DSC2: variants seen among roughly 807,000 people sequenced by gnomAD.
DSC2 encodes the protein desmocollin-2.
In DSC2, 51 loss-of-function variants were observed where a neutral mutation model predicts 87.6. The ratio of observed to expected loss-of-function variants is 0.58; its 90% CI spans 0.46 to 0.74. The LOEUF (loss-of-function observed/expected upper bound fraction) is 0.74, where lower values mean the gene tolerates loss of function less well. Ranked by LOEUF, DSC2 falls within the 30% of genes least tolerant of loss-of-function variation. DSC2 has a pLI of 0.00. For synonymous variants in DSC2, 383 were observed against 393.2 expected (o/e 0.97, Z 0.31); for missense variants, 1,066 against 1,089.5 (o/e 0.98, Z 0.30).
chr18:31,084,192 G>A (rs1345548714), intron 7 of DSC2, among the ~76,000 whole-genome samples: 1 of 152,060 alleles, frequency 6.6e-6, no homozygotes, highest in African/African-American at 2.4e-5. Flanking sequence ...TAAAACTAAA[G>A]TTTCTCTTGA....
intron 5 of DSC2, among the ~76,000 whole-genome samples, chr18:31,089,113 C>T (rs1268064940): frequency 7.2e-6 from 1 of 139,654 alleles, no homozygotes; most frequent in Admixed American, 8.1e-5. Flanking sequence ...TGCAGTGAGC[C>T]GAGATTACGC....
rs1987618823 is a variant in DSC2 at position 31,092,095 on chromosome 18, G to A, written c.354+6C>T. The A allele has an allele frequency of 1.2e-6, 2 of 1,608,552 alleles. No homozygotes were observed. The highest frequency in any genetic ancestry group is 1.7e-6 in the Non-Finnish European group (2 of 1,176,368). On this transcript the variant is annotated splice_donor_region_variant and intron_variant, in intron 3 of 15. Transcript: ENST00000280904. ...ATCATTTCTTCATTTATGTAGCCTT[G>A]TATACCTTTGTTTGATGCTCCAAAA...
intron 4 of DSC2, among the ~76,000 whole-genome samples, chr18:31,090,684 C>G (rs1373368930): frequency 6.6e-6 from 1 of 152,140 alleles, no homozygotes; most frequent in Non-Finnish European, 1.5e-5. Context: ...TGTCTTCCTC[C>G]TTCGTGGCAT....
intron 1 of DSC2, 77 bp downstream of exon 1, chr18:31,101,825 AT>A: frequency 7.7e-7 from 1 of 1,305,520 alleles, no homozygotes; most frequent in Non-Finnish European, 1.0e-6. Context: ...ACCCCCACCT[AT>A]CCCCGTTCCC....
rs1986559555 is a variant in DSC2 at position 31,064,182 on chromosome 18, TG to T, written c.*3832del. On this transcript the variant is annotated 3_prime_UTR_variant, in exon 16 of 16. Coordinates refer to ENST00000280904, the MANE Select transcript of DSC2 (RefSeq NM_024422.6). Reference sequence around the variant, plus strand: ...TGTCCTGAAGTTCTTTCACATCATCTGAAGCTTTTTAAAAACATGCATTATG... The same window carrying T: ...TGTCCTGAAGTTCTTTCACATCATCTAAGCTTTTTAAAAACATGCATTATG... The T allele has an allele frequency of 6.6e-6, 1 of 152,198 alleles. No individual in the cohort carries two copies. Among genetic ancestry groups the T allele is most frequent in the Non-Finnish European group, 1.5e-5 (1 of 68,042 alleles). The allele number at this position is 152,198 out of a possible 1,614,324, so 9.4% of individuals were successfully genotyped here.
At position 31,079,889 on chromosome 18, in the gene DSC2, T is replaced by C; in HGVS notation, c.1621A>G (p.Lys541Glu). ...RSLDREAETI[K>E]NGIYNITVLA... ...ACTGTAATATTATATATGCCATTTTTGATGGTCTCTGCCTCTCTATCCAGG... is the reference window on the plus strand; with the variant it reads ...ACTGTAATATTATATATGCCATTTTCGATGGTCTCTGCCTCTCTATCCAGG... The change falls in exon 11 of 16, where the codon AAA (lysine) becomes GAA (glutamate). Residue 541 changes from lysine to glutamate, a missense_variant. By Grantham distance (56) the Lys-to-Glu change is moderately conservative (BLOSUM62 1). Coordinates refer to ENST00000280904, the MANE Select transcript of DSC2 (RefSeq NM_024422.6). The C allele has an allele frequency of 6.2e-7, 1 of 1,614,020 alleles. No homozygotes were observed. Among genetic ancestry groups the C allele is most frequent in the South Asian group, 1.1e-5 (1 of 91,078 alleles).
intron 15 of DSC2, 159 bp from the exon 16 acceptor site, chr18:31,068,371 G>T (rs1301648286): frequency 1.2e-6 from 2 of 1,607,122 alleles, no homozygotes; most frequent in Non-Finnish European, 8.5e-7. Flanking sequence ...CACATGATTG[G>T]TCTGTTTCAT....
At chr18:31,082,552 T>C (rs978680208) in intron 8 of DSC2, 129 bp from the exon 9 acceptor site, 32 of 859,744 alleles carry the variant, frequency 3.7e-5, no homozygotes, top group Non-Finnish European at 5.4e-5. Flanking sequence ...CCTAGCACTA[T>C]ACAACTTTTA....
At chr18:31,068,723 A>G (rs778981846) in intron 15 of DSC2, among the ~76,000 whole-genome samples, 171 bp downstream of exon 15, 18 of 152,240 alleles carry the variant, frequency 1.2e-4, no homozygotes, top group South Asian at 1.0e-3. Context: ...GAAGTAAATA[A>G]CCACTTAAAT....
rs1232812851 is a variant in DSC2 at position 31,091,043 on chromosome 18, T to C, written c.459A>G (p.Pro153=). The change falls in exon 4 of 16, where the codon CCA becomes CCG. Residue 153 remains proline (P), a synonymous_variant. Transcript: ENST00000280904. The part of the protein sequence containing the change: ...SMLENSLGPF[P]LFLQQVQSDT... ...AAAACGGTACCTGTTGAAGGAAAAGTGGAAAAGGACCCAAGGAGTTTTCTA... is the reference window on the plus strand; with the variant it reads ...AAAACGGTACCTGTTGAAGGAAAAGCGGAAAAGGACCCAAGGAGTTTTCTA... 1 of 1,614,008 alleles carries C rather than the reference T, an allele frequency of 6.2e-7. No homozygotes were observed. Among genetic ancestry groups the C allele is most frequent in the Non-Finnish European group, 8.5e-7 (1 of 1,179,934 alleles).
chr18:31,080,529 A>T (rs1343762062), intron 9 of DSC2, among the ~76,000 whole-genome samples, 177 bp from the exon 10 acceptor site: 2 of 152,200 alleles, frequency 1.3e-5, no homozygotes, highest in Non-Finnish European at 2.9e-5. Flanking sequence ...CCCACATCTC[A>T]TGTCAAATTG....
chr18:31,072,499 T>C (rs1986867531), intron 12 of DSC2, among the ~76,000 whole-genome samples: 1 of 152,214 alleles, frequency 6.6e-6, no homozygotes, highest in Non-Finnish European at 1.5e-5. Flanking sequence ...ATACAGATTC[T>C]TTTATGGCTT....
At chr18:31,084,723 T>TATA (rs1369571907) in intron 7 of DSC2, among the ~76,000 whole-genome samples, 7 of 151,138 alleles carry the variant, frequency 4.6e-5, no homozygotes, top group Admixed American at 1.3e-4. Flanking sequence ...CTATGCAGAC[T>TATA]ATAGTTTTAT....
At position 31,079,896 on chromosome 18, in the gene DSC2, C is replaced by A; in HGVS notation, c.1614G>T (p.Glu538Asp). 1.2e-6 allele frequency: 2 copies of A among 1,613,994 alleles called. No homozygotes were observed. Among genetic ancestry groups the A allele is most frequent in the Non-Finnish European group, 8.5e-7 (1 of 1,179,954 alleles). The change falls in exon 11 of 16, where the codon GAG (glutamate) becomes GAT (aspartate). Residue 538 changes from glutamate (E) to aspartate (D), a missense_variant. By Grantham distance (45) the Glu-to-Asp change is conservative. Coordinates refer to ENST00000280904, the MANE Select transcript of DSC2 (RefSeq NM_024422.6). ...KVFRSLDREA[E>D]TIKNGIYNIT... ...TATTATATATGCCATTTTTGATGGT[C>A]TCTGCCTCTCTATCCAGGCTTCTGA...
At chr18:31,093,761 T>G in intron 1 of DSC2, 118 bp from the exon 2 acceptor site, 1 of 304,802 alleles carries the variant, frequency 3.3e-6, no homozygotes, top group Non-Finnish European at 5.2e-6. Flanking sequence ...CATATAATAC[T>G]TATATAAATG....
chr18:31,102,008 G>A lies in DSC2; in HGVS notation c.-37C>T. 1 of 1,469,150 alleles carries A rather than the reference G, an allele frequency of 6.8e-7. No homozygotes were observed. The highest frequency in any genetic ancestry group is 9.0e-7 in the Non-Finnish European group (1 of 1,113,116). The allele number at this position is 1,469,150 out of a possible 1,614,324, so 91.0% of individuals were successfully genotyped here. ...GGGGCAGGTCGCGGGCCGAGCGTCG[G>A]GCCGGGGTAGGAGGGCTCCGCGGGG... On this transcript the variant is annotated 5_prime_UTR_variant, in exon 1 of 16. Coordinates refer to ENST00000280904, the MANE Select transcript of DSC2 (RefSeq NM_024422.6).
rs368651842 is a variant in DSC2 at position 31,087,633 on chromosome 18, G to C, written c.775+36C>G. On this transcript the variant is annotated intron_variant, in intron 6 of 15. Coordinates refer to ENST00000280904, the MANE Select transcript of DSC2 (RefSeq NM_024422.6). ...AACTAAATGTATGAATTGAAACACA[G>C]TTAATTTGCCATATATTGTTTAAGG... is the stretch of plus-strand genomic sequence containing the variant. 2.5e-6 allele frequency: 4 copies of C among 1,600,346 alleles called. No individual in the cohort carries two copies. The African/African-American group carries it at 5.4e-5, about 21-fold the overall frequency.
At chr18:31,086,837 G>A (rs1182778176) in intron 6 of DSC2, 95 bp from the exon 7 acceptor site, 3 of 1,380,234 alleles carry the variant, frequency 2.2e-6, no homozygotes, top group Admixed American at 3.9e-5. Context: ...AAAAGTTCTG[G>A]ACCACATTAT....
At chr18:31,068,785 G>GAATTCAT in intron 15 of DSC2, 109 bp downstream of exon 15, 1 of 1,389,606 alleles carries the variant, frequency 7.2e-7, no homozygotes, top group Non-Finnish European at 1.0e-6. Context: ...TCAATTAGTA[G>GAATTCAT]AATTAGTAGA....
Sources: gnomAD v4.1 joint callset for allele counts (sites outside exome capture counted in the v4.1 genomes callset) on GRCh38, gnomAD v4.1.1 for gene constraint, MANE v1.5 for transcripts, NCBI Gene and HGNC (gene_info 2026-07-23, HGNC 2026-07-21) for gene names.